Variants in TTN observed in about 807,000 individuals in gnomAD.
The protein encoded by TTN is titin.
TTN carries 1,525 observed loss-of-function variants against 3,223.0 expected under a neutral mutation model. That is an observed-to-expected ratio of 0.47 (90% confidence interval 0.45 to 0.49). TTN has a LOEUF of 0.49. TTN is among the 20% of genes least tolerant of loss of function. The pLI is 0.00. For synonymous variants in TTN, 14,094 were observed against 15,161.0 expected (o/e 0.93, Z 5.17); for missense variants, 40,786 against 43,424.0 (o/e 0.94, Z 5.40).
Position 178,590,239 on chromosome 2 carries a change from T to A in TTN, c.61486A>T (p.Ile20496Phe). The A allele has an allele frequency of 6.3e-7, 1 of 1,590,436 alleles. No homozygotes were observed. The highest frequency in any genetic ancestry group is 1.2e-5 in the South Asian group (1 of 86,196). The part of the protein sequence containing the change: ...ITVRVGQTIR[I>F]LARVKGRPEP... ...GGTCTGCCTTTGACTCGAGCTAGAA[T>A]GCGGATAGTTTGGCCTACTCTCACG... The change falls in exon 304 of 363, where the codon ATT becomes TTT. Residue 20496 changes from isoleucine (I) to phenylalanine (F), a missense_variant. Transcript: ENST00000589042.
At chr2:178,767,689 C>T (rs1312230010) in intron 40 of TTN, 70 bp downstream of exon 40, 54 of 1,588,650 alleles carry the variant, frequency 3.4e-5, no homozygotes, top group Non-Finnish European at 4.4e-5. Flanking sequence ...AAAAGGGAAA[C>T]ATTAAAATAT....
Position 178,547,728 on chromosome 2 carries a change from T to C in TTN, c.93898A>G (p.Ser31300Gly). The change falls in exon 339 of 363, where the codon AGC (serine) becomes GGC (glycine). Residue 31300 changes from serine to glycine, a missense_variant. Ser to Gly is a moderately conservative substitution (Grantham distance 56). Transcript: ENST00000589042. ...LENTAGVKTF[S>G]VTVVVIGRPG... is the part of the protein sequence containing the mutation. ...CTTCCAATGACCACAACTGTGACGC[T>C]AAATGTTTTAACACCAGCTGTATTT... is the stretch of plus-strand genomic sequence containing the variant. 6.2e-7 allele frequency: 1 copy of C among 1,613,914 alleles called. No individual in the cohort carries two copies. The highest frequency in any genetic ancestry group is 8.5e-7 in the Non-Finnish European group (1 of 1,179,838).
intron 78 of TTN, 79 bp from the exon 79 acceptor site, chr2:178,721,281 C>T: frequency 1.6e-6 from 2 of 1,216,056 alleles, no homozygotes; most frequent in Non-Finnish European, 2.1e-6. Context: ...GCTGAAGATC[C>T]CATAAATTTA....
intron 47 of TTN, chr2:178,748,830 C>T: frequency 6.2e-7 from 1 of 1,611,980 alleles, no homozygotes; most frequent in South Asian, 1.1e-5. Context: ...TTAGATGAAT[C>T]TGATTCAGTA....
In TTN at chr2:178,579,125, A is replaced by C. The variant is rs2154175245; in HGVS notation, c.67905T>G (p.Thr22635=). The change falls in exon 320 of 363, where the codon ACT becomes ACG. Residue 22635 remains threonine, a synonymous_variant. Transcript: ENST00000589042. ...GCTTGCCAACAACCTTTATGGAGAT[A>C]GTTCCTTCCTTGGTGCCAGCAACAT... is the stretch of plus-strand genomic sequence containing the variant. ...LKNVAGTKEG[T]ISIKVVGKPG... is the part of the protein sequence containing the mutation. 1 of 1,613,410 alleles carries C rather than the reference A, an allele frequency of 6.2e-7. No individual in the cohort carries two copies. Among genetic ancestry groups the C allele is most frequent in the Non-Finnish European group, 8.5e-7 (1 of 1,179,566 alleles).
rs1221636525 is a variant in TTN at position 178,717,800 on chromosome 2, A to C, written c.25074T>G (p.Leu8358=). The C allele has an allele frequency of 6.2e-7, 1 of 1,606,572 alleles. No homozygotes were observed. Among genetic ancestry groups the C allele is most frequent in the African/African-American group, 1.3e-5 (1 of 74,446 alleles). The change falls in exon 87 of 363, where the codon CTT becomes CTG. Residue 8358 remains leucine, a synonymous_variant. Transcript: ENST00000589042. ...TCAGTTTTCTTGCAAAGAAAGGTGG[A>C]AGTTTGCGCGCTGTAAAGAAGTTAC... ...SAVLVIKARK[L]PPFFARKLKD... is the part of the protein sequence containing the mutation.
intron 47 of TTN, chr2:178,744,420 G>A (rs991440635): frequency 1.1e-5 from 11 of 977,340 alleles, no homozygotes; most frequent in East Asian, 2.3e-4. Context: ...TATATTTGTC[G>A]AGTCTTATAT....
chr2:178,749,251 A>G (rs1316718196), intron 47 of TTN: 2 of 1,611,786 alleles, frequency 1.2e-6, no homozygotes, highest in South Asian at 2.2e-5. Context: ...TGAAATCATC[A>G]ACAAATGGAT....
chr2:178,719,130 TAG>T, intron 83 of TTN, 32 bp downstream of exon 83: 5 of 1,585,380 alleles, frequency 3.2e-6, no homozygotes, highest in Non-Finnish European at 4.3e-6. Flanking sequence ...AAAGAGGTGT[TAG>T]AGAAGCAGCA....
Position 178,536,572 on chromosome 2 carries a change from T to C in TTN, c.100175A>G (p.Lys33392Arg), listed in dbSNP as rs1363009157. The C allele has an allele frequency of 6.7e-7, 1 of 1,490,618 alleles. No homozygotes were observed. Among genetic ancestry groups the C allele is most frequent in the African/African-American group, 1.4e-5 (1 of 71,288 alleles). 92.3% of individuals were successfully genotyped at this position (1,490,618 alleles called of 1,614,324 possible). Residue 33392 changes from lysine to arginine, a missense_variant, in exon 357 of 363, where the codon AAG becomes AGG. Lys to Arg is a conservative substitution (Grantham distance 26). Transcript: ENST00000589042. ...SVVIIKSPFE[K>R]PGAPGKPTIT... ...AGTTGGTTTGCCAGGAGCACCTGGC[T>C]TTTCTATTAAACAAAAAAAAGATTT...
intron 111 of TTN, among the ~76,000 whole-genome samples, chr2:178,699,682 A>G (rs1423507017): frequency 7.1e-6 from 1 of 141,056 alleles, no homozygotes. Context: ...AAGTGCTGGG[A>G]TTACAGGCGT....
chr2:178,677,994 G>A, intron 145 of TTN, 77 bp from the exon 146 acceptor site: 1 of 1,562,500 alleles, frequency 6.4e-7, no homozygotes, highest in East Asian at 2.2e-5. Flanking sequence ...GCTTATGAAA[G>A]GCAAATATTC....
intron 69 of TTN, 137 bp from the exon 70 acceptor site, chr2:178,726,183 G>T: frequency 9.8e-7 from 1 of 1,024,582 alleles, no homozygotes; most frequent in Non-Finnish European, 1.3e-6. Context: ...CACTCTCATG[G>T]GATAACAGCC....
At position 178,580,504 on chromosome 2, in the gene TTN, T is replaced by G; in HGVS notation, c.66875A>C (p.Lys22292Thr). 1 of 1,612,974 alleles carries G rather than the reference T, an allele frequency of 6.2e-7. No individual in the cohort carries two copies. The highest frequency in any genetic ancestry group is 8.5e-7 in the Non-Finnish European group (1 of 1,179,362). The change falls in exon 317 of 363, where the codon AAG becomes ACG. Residue 22292 changes from lysine to threonine, a missense_variant. Lys to Thr is a moderately conservative substitution (Grantham distance 78, BLOSUM62 -1). Transcript: ENST00000589042. Reference sequence around the variant, plus strand: ...GACATTTGGTTTAGACCAAGTAATCTTTGGAGGTGGGCGTCCTTTTACTGG... The same window carrying G: ...GACATTTGGTTTAGACCAAGTAATCGTTGGAGGTGGGCGTCCTTTTACTGG... ...YVPVKGRPPP[K>T]ITWSKPNVNL...
intron 213 of TTN, 76 bp downstream of exon 213, chr2:178,649,172 T>C (rs1244565372): frequency 3.7e-6 from 4 of 1,095,610 alleles, no homozygotes; most frequent in Admixed American, 3.4e-5. Context: ...ACATTCAGTA[T>C]GTTTTTCTCT....
chr2:178,621,455 A>T lies in TTN; in HGVS notation c.45349+20T>A. ...TGTGAATTGTTAGAAATAAAAGATT[A>T]TTCACTGTAGTTTTCATACCATGTA... On this transcript the variant is annotated intron_variant, in intron 245 of 362. Transcript: ENST00000589042. The T allele has an allele frequency of 6.2e-7, 1 of 1,610,308 alleles. No individual in the cohort carries two copies. The highest frequency in any genetic ancestry group is 8.5e-7 in the Non-Finnish European group (1 of 1,178,546).
In TTN at chr2:178,556,468, AC is replaced by A. The variant is rs1364270744; in HGVS notation, c.88306+379del. On this transcript the variant is annotated intron_variant, in intron 330 of 362. Transcript: ENST00000589042. ...CAAACAAACAAACAAAAAAAAAAAA[AC>A]CAAAAAATGAAGTCTCTGTTTAGTC... The A allele has an allele frequency of 7.6e-5, 17 of 222,778 alleles. No individual in the cohort carries two copies. In the East Asian group the frequency reaches 1.8e-3, roughly 23 times the overall value. The allele number at this position is 222,778 out of a possible 1,614,324, so 13.8% of individuals were successfully genotyped here.
chr2:178,784,381 T>A, intron 15 of TTN, 30 bp from the exon 16 acceptor site: 1 of 1,612,556 alleles, frequency 6.2e-7, no homozygotes, highest in Non-Finnish European at 8.5e-7. Context: ...GAAAATAAAG[T>A]CATTTAACCA....
In TTN at chr2:178,535,255, GTCTTA is replaced by G; in HGVS notation, c.101355_101359del (p.Lys33786GlnfsTer6). 1 of 1,613,870 alleles carries G rather than the reference GTCTTA, an allele frequency of 6.2e-7. No homozygotes were observed. The highest frequency in any genetic ancestry group is 8.5e-7 in the Non-Finnish European group (1 of 1,179,836). ...CTCTTCATCATAGTTCATAGCTCTG[GTCTTA>G]TCTTCTTTGGTTATGGTTGGTTCTG... On this transcript the variant is annotated frameshift_variant, in exon 358 of 363. Coordinates refer to ENST00000589042, the MANE Select transcript of TTN (RefSeq NM_001267550.2). LOFTEE classifies it high-confidence loss of function.
Sources: allele counts gnomAD v4.1 joint callset (sites outside exome capture counted in the v4.1 genomes callset), GRCh38; gene constraint gnomAD v4.1.1; transcripts MANE v1.5; gene names NCBI Gene and HGNC (gene_info 2026-07-23, HGNC 2026-07-21).